The following HADHB variants were observed in gnomAD, a reference collection of about 807,000 sequenced individuals.
The protein encoded by HADHB is trifunctional enzyme subunit beta, mitochondrial.
Under a neutral mutation model 61.9 loss-of-function variants are expected in HADHB, and 50 were observed. The ratio of observed to expected loss-of-function variants is 0.81; its 90% CI spans 0.64 to 1.02. The LOEUF is 1.02. Among genes scored for constraint, HADHB ranks in the 50% least tolerant of loss-of-function variants. The probability of loss-of-function intolerance (pLI) is 0.00; values close to 1 mark genes in which losing one functional copy is unlikely to be tolerated. For missense variants in HADHB, 504 were observed against 586.5 expected, an observed-to-expected ratio of 0.86 and a Z score of 1.45; for synonymous variants, 191 against 201.6, an observed-to-expected ratio of 0.95 and a Z score of 0.45.
chr2:26,267,720 C>T (rs986091084), intron 4 of HADHB, among the ~76,000 whole-genome samples: 15 of 147,610 alleles, frequency 1.0e-4, no homozygotes, highest in South Asian at 2.1e-4. Flanking sequence ...TGCGGTGAGC[C>T]GACATCGTGC....
chr2:26,272,407 A>T (rs1430481951), intron 5 of HADHB, among the ~76,000 whole-genome samples: 7 of 146,178 alleles, frequency 4.8e-5, no homozygotes, highest in African/African-American at 1.8e-4. Context: ...GTGCAGTGGC[A>T]CGATCTCGGC....
chr2:26,288,569 C>T (rs560577088), intron 15 of HADHB, among the ~76,000 whole-genome samples: 12 of 151,728 alleles, frequency 7.9e-5, no homozygotes, highest in East Asian at 3.9e-4. Context: ...ACTAGCTGGG[C>T]GTGGTGGTGG....
In HADHB at chr2:26,265,912, CATT is replaced by C. The variant is rs1574652593; in HGVS notation, c.209+2435_209+2437del. 2.0e-5 allele frequency among the ~76,000 whole-genome samples: 3 copies of C among 151,744 alleles called. No homozygotes were observed. In the East Asian group the frequency reaches 5.9e-4, roughly 30 times the overall value. ...AAGAACAAAAGTCACTAAAAAATAA[CATT>C]AGAGGCCAGGTGCAGTGGCTCACAC... On this transcript the variant is annotated intron_variant, in intron 4 of 15. Coordinates refer to ENST00000317799, the MANE Select transcript of HADHB (RefSeq NM_000183.3).
At chr2:26,249,853 T>C (rs1190973575) in intron 1 of HADHB, among the ~76,000 whole-genome samples, 1 of 151,996 alleles carries the variant, frequency 6.6e-6, no homozygotes, top group Non-Finnish European at 1.5e-5. Context: ...GAATCAATGA[T>C]CTTGGCAGAG....
Position 26,290,137 on chromosome 2 carries a change from T to C in HADHB, c.*184T>C. On this transcript the variant is annotated 3_prime_UTR_variant, in exon 16 of 16. Transcript: ENST00000317799. ...GTTCTGAGCTTTTCAATAATCAGTT[T>C]ACTGCTCTTTCAGGGATTTCTAAGC... 2 of 633,064 alleles carry C rather than the reference T, an allele frequency of 3.2e-6. No homozygotes were observed. Among genetic ancestry groups the C allele is most frequent in the South Asian group, 3.6e-5 (2 of 55,860 alleles). 39.2% of individuals were successfully genotyped at this position (633,064 alleles called of 1,614,324 possible). A position where few individuals can be genotyped will look rare whatever the true frequency, so the allele number is the denominator to read the frequency against.
intron 15 of HADHB, among the ~76,000 whole-genome samples, chr2:26,288,744 T>C (rs1485074803): frequency 6.6e-6 from 1 of 152,128 alleles, no homozygotes; most frequent in Non-Finnish European, 1.5e-5. Flanking sequence ...TAACAGTTTG[T>C]TTTGAACTCC....
chr2:26,256,582 A>G (rs1671621574), intron 3 of HADHB, among the ~76,000 whole-genome samples: 1 of 152,058 alleles, frequency 6.6e-6, no homozygotes, highest in Non-Finnish European at 1.5e-5. Flanking sequence ...ATAATACATG[A>G]CACATTTATT....
intron 4 of HADHB, among the ~76,000 whole-genome samples, chr2:26,266,871 CAAAAAAAAAA>C (rs56401595): frequency 4.4e-5 from 2 of 45,426 alleles, no homozygotes; most frequent in African/African-American, 9.9e-5. Context: ...CACTCTCTCT[CAAAAAAAAAA>C]AAAAAAAAAA....
At chr2:26,249,597 G>A (rs1165820148) in intron 1 of HADHB, among the ~76,000 whole-genome samples, 6 of 151,864 alleles carry the variant, frequency 4.0e-5, no homozygotes, top group Non-Finnish European at 8.8e-5. Flanking sequence ...ATGGGATTCG[G>A]CCAGGACTCT....
intron 15 of HADHB, among the ~76,000 whole-genome samples, chr2:26,287,723 G>A (rs1673092728): frequency 6.6e-6 from 1 of 152,168 alleles, no homozygotes; most frequent in South Asian, 2.1e-4. Context: ...AATCCATCGT[G>A]GTGAATCTAG....
Position 26,290,439 on chromosome 2 carries a change from G to A in HADHB, c.*486G>A, listed in dbSNP as rs7601689. ...TTTAGATACATAAATATGGTGGTCA[G>A]CGTTAATAAAGTGGAGAAATATTGG... On this transcript the variant is annotated 3_prime_UTR_variant, in exon 16 of 16. Coordinates refer to ENST00000317799, the MANE Select transcript of HADHB (RefSeq NM_000183.3). 7,084 of 174,680 alleles carry A rather than the reference G, an allele frequency of 0.041. 510 individuals are homozygous for A. Among genetic ancestry groups the A allele is most frequent in the African/African-American group, 0.16 (6,543 of 41,710 alleles). 10.8% of individuals were successfully genotyped at this position (174,680 alleles called of 1,614,324 possible).
rs771808198 is a variant in HADHB, at chr2:26,273,625, T to G, written c.255-26T>G. On this transcript the variant is annotated intron_variant, in intron 5 of 15. Transcript: ENST00000317799. ...GCACTGCCTTGATGTGTGAAATGTT[T>G]CTTTGCTTTGGATTTCTACTTCCAG... 7 of 1,302,168 alleles carry G rather than the reference T, an allele frequency of 5.4e-6. No individual in the cohort carries two copies. In the East Asian group the frequency reaches 1.6e-4, roughly 30 times the overall value. 80.7% of individuals were successfully genotyped at this position (1,302,168 alleles called of 1,614,324 possible). A position where few individuals can be genotyped will look rare whatever the true frequency, so the allele number is the denominator to read the frequency against.
Position 26,278,657 on chromosome 2 carries a change from A to C in HADHB, c.486A>C (p.Ala162=). The change falls in exon 8 of 16, where the codon GCA becomes GCC. Residue 162 remains alanine (A), a synonymous_variant. Transcript: ENST00000317799. ...CTGGCCAGTGTGATGTGATCGTGGC[A>C]GGTGGTGTTGAGTTGATGTCCGATG... The part of the protein sequence containing the change: ...IASGQCDVIV[A]GGVELMSDVP... The C allele has an allele frequency of 6.2e-7, 1 of 1,614,134 alleles. No homozygotes were observed. The highest frequency in any genetic ancestry group is 8.5e-7 in the Non-Finnish European group (1 of 1,180,008).
Position 26,290,192 on chromosome 2 carries a change from GGTT to G in HADHB, c.*243_*245del, listed in dbSNP as rs1673213638. 2 of 554,562 alleles carry G rather than the reference GGTT, an allele frequency of 3.6e-6. No homozygotes were observed. The highest frequency in any genetic ancestry group is 6.5e-6 in the Non-Finnish European group (2 of 308,558). The allele number at this position is 554,562 out of a possible 1,614,324, so 34.4% of individuals were successfully genotyped here. ...AGAATCTCACATGAGATGTGTGGGTGGTTGTTTTTGGTCTCTGTTGTCACTAAA... is the reference window on the plus strand; with the variant it reads ...AGAATCTCACATGAGATGTGTGGGTGGTTTTTGGTCTCTGTTGTCACTAAA... On this transcript the variant is annotated 3_prime_UTR_variant, in exon 16 of 16. Coordinates refer to ENST00000317799, the MANE Select transcript of HADHB (RefSeq NM_000183.3).
intron 15 of HADHB, among the ~76,000 whole-genome samples, chr2:26,286,603 A>G (rs1172173881): frequency 6.6e-6 from 1 of 151,874 alleles, no homozygotes; most frequent in Non-Finnish European, 1.5e-5. Flanking sequence ...CGCGAGTTCA[A>G]GCGATTCTCC....
chr2:26,258,311 C>T (rs887984385), intron 3 of HADHB, among the ~76,000 whole-genome samples: 1 of 152,192 alleles, frequency 6.6e-6, no homozygotes, highest in Non-Finnish European at 1.5e-5. Context: ...ACCTGAGGCT[C>T]TTGGCCTCAT....
At chr2:26,286,913 G>A (rs1413527577) in intron 15 of HADHB, among the ~76,000 whole-genome samples, 1 of 147,804 alleles carries the variant, frequency 6.8e-6, no homozygotes, top group African/African-American at 2.5e-5. Context: ...ATATTTAAAA[G>A]CATAAACTGG....
At chr2:26,280,268 A>C (rs960381441) in intron 10 of HADHB, among the ~76,000 whole-genome samples, 153 bp downstream of exon 10, 12 of 152,316 alleles carry the variant, frequency 7.9e-5, no homozygotes, top group Middle Eastern at 3.4e-3. Flanking sequence ...TTAAAAAAAA[A>C]ATAGAATCAC....
At chr2:26,277,275 T>C (rs1672569762) in intron 7 of HADHB, 115 bp downstream of exon 7, 3 of 605,396 alleles carry the variant, frequency 5.0e-6, no homozygotes, top group Non-Finnish European at 8.9e-6. Flanking sequence ...CCTCACTCTG[T>C]CACTCAGGCT....
Sources: gnomAD v4.1 joint callset for allele counts (sites outside exome capture counted in the v4.1 genomes callset) on GRCh38, gnomAD v4.1.1 for gene constraint, MANE v1.5 for transcripts, NCBI Gene and HGNC (gene_info 2026-07-23, HGNC 2026-07-21) for gene names.